EXD3: variants seen among roughly 807,000 people sequenced by gnomAD.
EXD3 encodes exonuclease mut-7 homolog.
Under a neutral mutation model 98.0 loss-of-function variants are expected in EXD3, and 92 were observed. The observed-to-expected ratio is 0.94, with a 90% confidence interval of 0.79 to 1.12. EXD3 has a LOEUF of 1.12. Among genes scored for constraint, EXD3 ranks in the 50% most tolerant of loss-of-function variants. EXD3 has a pLI of 0.00. For missense variants in EXD3, 1,222 were observed against 1,191.6 expected, an observed-to-expected ratio of 1.03 and a Z score of -0.38; for synonymous variants, 569 against 526.0, an observed-to-expected ratio of 1.08 and a Z score of -1.12.
Position 137,366,239 on chromosome 9 carries a change from A to G in EXD3, c.656+254T>C, listed in dbSNP as rs1029973528. On this transcript the variant is annotated intron_variant, in intron 7 of 21. Transcript: ENST00000340951. ...GCCTGCATGAGAAGAGCCACCACGGAGAATTATTTTCGTTCTTCTAAGAGC... is the reference window on the plus strand; with the variant it reads ...GCCTGCATGAGAAGAGCCACCACGGGGAATTATTTTCGTTCTTCTAAGAGC... The G allele has an allele frequency of 2.8e-5, 20 of 703,842 alleles. No homozygotes were observed. The African/African-American group carries it at 3.1e-4, about 11-fold the overall frequency. The allele number at this position is 703,842 out of a possible 1,614,324, so 43.6% of individuals were successfully genotyped here.
At position 137,385,540 on chromosome 9, in the gene EXD3, G is replaced by T. The variant is rs112747418; in HGVS notation, c.56-2163C>A. Among the ~76,000 whole-genome samples, 3,552 of 152,172 alleles carry T rather than the reference G, an allele frequency of 0.023. 128 individuals carry two copies. Among genetic ancestry groups the T allele is most frequent in the African/African-American group, 0.081 (3,346 of 41,542 alleles). The stretch of plus-strand genomic sequence containing the variant: ...AAGAGACTTTTATTTTGTTATTTAA[G>T]TTAATATTTTATTTAGAGACGGAGT... On this transcript the variant is annotated intron_variant, in intron 2 of 21. Transcript: ENST00000340951. The surrounding 1 kb of genome is among the most constrained non-coding windows in gnomAD (Gnocchi z 4.4).
intron 17 of EXD3, among the ~76,000 whole-genome samples, chr9:137,335,707 TACA>T (rs1390968466): frequency 1.3e-5 from 2 of 152,120 alleles, no homozygotes; most frequent in East Asian, 3.9e-4. Context: ...AATAAATTAG[TACA>T]ACATCTGTGA....
chr9:137,355,607 GGAGGAAGGAGGAAGGGAGGATGGAGGAA>G, intron 8 of EXD3, among the ~76,000 whole-genome samples: 3 of 51,786 alleles, frequency 5.8e-5, no homozygotes, highest in Non-Finnish European at 1.1e-4. Context: ...GAAGGAGAAA[GGAGGAAGGAGGAAGGGAGGATGGAGGAA>G]GGAGGAAGGA....
chr9:137,309,226 G>C (rs528806093), intron 20 of EXD3, among the ~76,000 whole-genome samples: 3 of 152,340 alleles, frequency 2.0e-5, no homozygotes, highest in Non-Finnish European at 2.9e-5. Flanking sequence ...CTTCCCTGGG[G>C]GGGTGGACAT....
intron 10 of EXD3, chr9:137,353,665 C>T: frequency 1.0e-6 from 1 of 985,782 alleles, no homozygotes; most frequent in Non-Finnish European, 1.2e-6. Flanking sequence ...ACCCTCAGCC[C>T]CCGCTGGGAA....
intron 2 of EXD3, among the ~76,000 whole-genome samples, chr9:137,388,501 G>T (rs1836727591): frequency 6.6e-6 from 1 of 152,168 alleles, no homozygotes; most frequent in Non-Finnish European, 1.5e-5. Flanking sequence ...TGGCGCCGAA[G>T]GCTCTGTTAT....
At chr9:137,413,793 A>T (rs1284366247) in intron 1 of EXD3, among the ~76,000 whole-genome samples, 2 of 151,272 alleles carry the variant, frequency 1.3e-5, no homozygotes, top group African/African-American at 4.9e-5. Flanking sequence ...ACAACCAACC[A>T]TGTGCCCATC....
At position 137,385,207 on chromosome 9, in the gene EXD3, C is replaced by T. The variant is rs1359436279; in HGVS notation, c.56-1830G>A. Among the ~76,000 whole-genome samples, 4 of 152,212 alleles carry T rather than the reference C, an allele frequency of 2.6e-5. No individual in the cohort carries two copies. Among genetic ancestry groups the T allele is most frequent in the African/African-American group, 4.8e-5 (2 of 41,470 alleles). On this transcript the variant is annotated intron_variant, in intron 2 of 21. Transcript: ENST00000340951. This position sits in a 1 kb window ranked among gnomAD's most constrained non-coding sequence, Gnocchi z 4.4. ...CAGTGTTCCCGTCTGCGCTCAGAAC[C>T]GTCCCACCATCGTGCACAGTGTGCT...
In EXD3 at chr9:137,352,704, T is replaced by C; in HGVS notation, c.953A>G (p.Gln318Arg). 1.3e-6 allele frequency: 2 copies of C among 1,565,312 alleles called. No individual in the cohort carries two copies. Among genetic ancestry groups the C allele is most frequent in the Non-Finnish European group, 8.6e-7 (1 of 1,156,494 alleles). Residue 318 changes from glutamine to arginine, a missense_variant, in exon 11 of 22, where the codon CAG (glutamine) becomes CGG (arginine). Gln to Arg is a conservative substitution (Grantham distance 43). Coordinates refer to ENST00000340951, the MANE Select transcript of EXD3 (RefSeq NM_017820.5). ...GGGCAGCAAGAGTTCCATGGCACAC[T>C]GGGCGGCCGTGACTGGGTCACTGTG... ...VSHSDPVTAA[Q>R]CAMELLLPEE...
rs561683617 is a variant in EXD3, at chr9:137,395,546, C to T, written c.-47-142G>A. 452 of 712,762 alleles carry T rather than the reference C, an allele frequency of 6.3e-4. 1 individual carries two copies. The African/African-American group carries it at 7.2e-3, about 11-fold the overall frequency. The allele number at this position is 712,762 out of a possible 1,614,324, so 44.2% of individuals were successfully genotyped here. On this transcript the variant is annotated intron_variant, in intron 1 of 21. Transcript: ENST00000340951. This position sits in a 1 kb window ranked among gnomAD's most constrained non-coding sequence, Gnocchi z 6.5. ...TGGGACCCCCAGTCGCTGAGCATAGCGGGCAGCTCCACACTCCTCTCCCAG... is the reference window on the plus strand; with the variant it reads ...TGGGACCCCCAGTCGCTGAGCATAGTGGGCAGCTCCACACTCCTCTCCCAG...
At chr9:137,330,090 C>T (rs1291718132) in intron 17 of EXD3, among the ~76,000 whole-genome samples, 1 of 137,318 alleles carries the variant, frequency 7.3e-6, no homozygotes, top group Non-Finnish European at 1.5e-5. Flanking sequence ...ACAGGAGCTA[C>T]ACAGGGCTCC....
At chr9:137,318,644 C>T (rs911724359) in intron 19 of EXD3, among the ~76,000 whole-genome samples, 2 of 152,182 alleles carry the variant, frequency 1.3e-5, no homozygotes, top group Non-Finnish European at 2.9e-5. Context: ...AGGGCACGGC[C>T]CTGCCCTCTA....
At chr9:137,392,449 C>T (rs1047432494) in intron 2 of EXD3, 14 of 172,156 alleles carry the variant, frequency 8.1e-5, no homozygotes, top group South Asian at 6.9e-4. Flanking sequence ...CAGGGTGGCA[C>T]GGACAGGTGT....
chr9:137,352,086 G>A lies in EXD3; in HGVS notation c.1153C>T (p.His385Tyr). The change falls in exon 12 of 22, where the codon CAC becomes TAC. Residue 385 changes from histidine (H) to tyrosine (Y), a missense_variant. By Grantham distance (83) the His-to-Tyr change is moderately conservative. Transcript: ENST00000340951. The part of the protein sequence containing the change: ...LLASWEDLTR[H>Y]EGALLQCHQV... ...ACCACCTGCAGGAGTGCACCCTCGT[G>A]TCTGGTCAGGTCTTCCCACGAGGCC... The A allele has an allele frequency of 1.2e-6, 2 of 1,612,284 alleles. No homozygotes were observed. Among genetic ancestry groups the A allele is most frequent in the African/African-American group, 1.3e-5 (1 of 75,060 alleles).
Position 137,366,639 on chromosome 9 carries a change from G to T in EXD3, c.517-7C>A. 6.4e-7 allele frequency: 1 copy of T among 1,556,700 alleles called. No individual in the cohort carries two copies. Among genetic ancestry groups the T allele is most frequent in the East Asian group, 2.4e-5 (1 of 41,500 alleles). On this transcript the variant is annotated splice_polypyrimidine_tract_variant and splice_region_variant and intron_variant, in intron 6 of 21. Coordinates refer to ENST00000340951, the MANE Select transcript of EXD3 (RefSeq NM_017820.5). The stretch of plus-strand genomic sequence containing the variant: ...GGAGCAGTGGGATGCTCATCTGCAG[G>T]GGGACACACGGTCAGGCCACAGCCT...
intron 1 of EXD3, among the ~76,000 whole-genome samples, chr9:137,416,996 G>C (rs1458134582): frequency 6.6e-6 from 1 of 152,242 alleles, no homozygotes; most frequent in African/African-American, 2.4e-5. Context: ...GGGAGGGTCT[G>C]ACCAAGGGGA....
intron 17 of EXD3, among the ~76,000 whole-genome samples, chr9:137,339,496 CAAAAAAA>C (rs57029740): frequency 6.5e-5 from 6 of 92,698 alleles, no homozygotes; most frequent in Admixed American, 6.0e-4. Context: ...GACGCCACTT[CAAAAAAA>C]AAAAAAAAAA....
chr9:137,366,286 A>T (rs1317797435), intron 7 of EXD3: 3 of 734,910 alleles, frequency 4.1e-6, no homozygotes, highest in Non-Finnish European at 7.2e-6. Context: ...TTCACTCGGG[A>T]GAAGAGGGCT....
intron 17 of EXD3, among the ~76,000 whole-genome samples, chr9:137,330,044 C>G (rs1349993838): frequency 2.9e-5 from 4 of 139,304 alleles, no homozygotes; most frequent in Non-Finnish European, 6.1e-5. Context: ...TACACCGGAG[C>G]TACACGGGAC....
Sources: allele counts gnomAD v4.1 joint callset (sites outside exome capture counted in the v4.1 genomes callset), GRCh38; gene constraint gnomAD v4.1.1; non-coding constraint Gnocchi (gnomAD v3.1); transcripts MANE v1.5; gene names NCBI Gene and HGNC (gene_info 2026-07-23, HGNC 2026-07-21).